SMIM35: variants seen among roughly 807,000 people sequenced by gnomAD.
The protein encoded by SMIM35 is small integral membrane protein 35, also known as TMPRSS4 antisense RNA 1 (non-protein coding).
intron 1 of SMIM35, among the ~76,000 whole-genome samples, chr11:118,055,450 C>A (rs969248351): frequency 6.6e-6 from 1 of 152,196 alleles, no homozygotes; most frequent in Non-Finnish European, 1.5e-5. Context: ...CCGGCCCTGC[C>A]ACCTCCTACC....
At chr11:118,042,476 C>T (rs1295735725) in intron 1 of SMIM35, among the ~76,000 whole-genome samples, 1 of 152,054 alleles carries the variant, frequency 6.6e-6, no homozygotes, top group African/African-American at 2.4e-5. Flanking sequence ...AAAAATAATA[C>T]CCACAAGAAA....
intron 1 of SMIM35, among the ~76,000 whole-genome samples, chr11:118,042,068 A>AAAAAAAAAAAAAAGAGAG: frequency 8.5e-6 from 1 of 117,860 alleles, no homozygotes; most frequent in Non-Finnish European, 1.6e-5. Flanking sequence ...AAAAAAAAAA[A>AAAAAAAAAAAAAAGAGAG]AGAGAGAGAG....
chr11:118,028,928 TAAGAG>T (rs1383277775), intron 1 of SMIM35: 1 of 413,850 alleles, frequency 2.4e-6, no homozygotes, highest in Non-Finnish European at 4.8e-6. Context: ...AGGGGAAAAA[TAAGAG>T]GAAGAGGAGG....
At chr11:118,048,747 A>G (rs1418997546) in intron 1 of SMIM35, among the ~76,000 whole-genome samples, 1 of 151,670 alleles carries the variant, frequency 6.6e-6, no homozygotes, top group Non-Finnish European at 1.5e-5. Context: ...AAAACAAAAA[A>G]CACGGCCCTA....
intron 1 of SMIM35, among the ~76,000 whole-genome samples, chr11:118,069,680 C>T (rs1286517510): frequency 6.6e-6 from 1 of 152,116 alleles, no homozygotes; most frequent in Non-Finnish European, 1.5e-5. Flanking sequence ...GGAGGTAGGG[C>T]CTAAGGAGAG....
intron 1 of SMIM35, chr11:118,077,289 A>G (rs1417215710): frequency 4.4e-6 from 7 of 1,602,156 alleles, no homozygotes; most frequent in Middle Eastern, 1.7e-4. Context: ...GACCGGGAGG[A>G]TCACAGAGCC....
chr11:118,050,249 TGG>T (rs1318332776), intron 1 of SMIM35, among the ~76,000 whole-genome samples: 1 of 152,204 alleles, frequency 6.6e-6, no homozygotes, highest in African/African-American at 2.4e-5. Context: ...AAAAGGGCCT[TGG>T]GGAATCACAG....
chr11:118,035,888 T>C (rs2058356125), intron 1 of SMIM35, among the ~76,000 whole-genome samples: 1 of 152,152 alleles, frequency 6.6e-6, no homozygotes, highest in South Asian at 2.1e-4. Flanking sequence ...GTGGTGTTTG[T>C]TTGTTTGTTT....
In SMIM35 at chr11:118,015,691, A is replaced by G. The variant is rs1015815050; in HGVS notation, c.124+2T>C. ...GGGCTACAGGGCCCAGTGCACACTC[A>G]CCCTCCCAGCAGTACCCGCGCTGGT... On this transcript the variant is annotated splice_donor_variant, in intron 2 of 4. Transcript: ENST00000689828. LOFTEE classifies it high-confidence loss of function. 5.0e-6 allele frequency: 2 copies of G among 399,020 alleles called. No individual in the cohort carries two copies. Among genetic ancestry groups the G allele is most frequent in the East Asian group, 7.1e-5 (2 of 28,090 alleles). The allele number at this position is 399,020 out of a possible 1,614,324, so 24.7% of individuals were successfully genotyped here. A position where few individuals can be genotyped will look rare whatever the true frequency, so the allele number is the denominator to read the frequency against.
At chr11:118,020,289 T>C in intron 1 of SMIM35, among the ~76,000 whole-genome samples, 2 of 152,200 alleles carry the variant, frequency 1.3e-5, no homozygotes, top group Non-Finnish European at 2.9e-5. Flanking sequence ...AATAAATAAA[T>C]ATATAAATAA....
intron 1 of SMIM35, among the ~76,000 whole-genome samples, chr11:118,054,805 ATTT>A (rs34274655): frequency 7.2e-6 from 1 of 139,376 alleles, no homozygotes; most frequent in African/African-American, 2.7e-5. Flanking sequence ...TATTTTCAGG[ATTT>A]TTTTTTTTTT....
chr11:118,080,608 C>T (rs1425694297), intron 1 of SMIM35, among the ~76,000 whole-genome samples: 1 of 152,174 alleles, frequency 6.6e-6, no homozygotes, highest in East Asian at 1.9e-4. Context: ...CCAGCAGCCA[C>T]CTCCCTAGCC....
chr11:118,036,998 T>A (rs12223876), intron 1 of SMIM35, among the ~76,000 whole-genome samples: 6,041 of 152,234 alleles, frequency 0.04, 202 homozygotes, highest in East Asian at 0.19. Context: ...TGGTTGGGTG[T>A]GAGCTAAGTT....
At chr11:118,069,368 C>G (rs1384366647) in intron 1 of SMIM35, among the ~76,000 whole-genome samples, 5 of 152,196 alleles carry the variant, frequency 3.3e-5, no homozygotes, top group Non-Finnish European at 5.9e-5. Context: ...CTTGCCTGAA[C>G]TATTGGCACT....
chr11:118,027,602 A>G (rs1413794286), intron 1 of SMIM35, among the ~76,000 whole-genome samples: 1 of 152,234 alleles, frequency 6.6e-6, no homozygotes, highest in Non-Finnish European at 1.5e-5. Flanking sequence ...GAACTATGCT[A>G]TAACTTTTAG....
At chr11:118,082,489 A>G (rs1433279154) in intron 1 of SMIM35, among the ~76,000 whole-genome samples, 1 of 150,808 alleles carries the variant, frequency 6.6e-6, no homozygotes, top group Non-Finnish European at 1.5e-5. Context: ...TGAACCCAGG[A>G]GGCAGAGGTT....
chr11:118,065,150 C>G (rs1342492285), intron 1 of SMIM35, among the ~76,000 whole-genome samples: 1 of 152,230 alleles, frequency 6.6e-6, no homozygotes, highest in Non-Finnish European at 1.5e-5. Context: ...GGCAGCTGCA[C>G]AGCGCCCAAA....
chr11:118,018,690 T>C (rs2058202322), intron 1 of SMIM35, among the ~76,000 whole-genome samples: 1 of 152,194 alleles, frequency 6.6e-6, no homozygotes, highest in African/African-American at 2.4e-5. Context: ...ATCACAGGCC[T>C]TCCAGAGACC....
chr11:118,054,527 A>C (rs1254628618), intron 1 of SMIM35, among the ~76,000 whole-genome samples: 1 of 152,102 alleles, frequency 6.6e-6, no homozygotes, highest in Non-Finnish European at 1.5e-5. Flanking sequence ...ACAAGTAACA[A>C]CCACGGTGCC....
Sources: allele counts gnomAD v4.1 joint callset (sites outside exome capture counted in the v4.1 genomes callset), GRCh38; gene constraint gnomAD v4.1.1; transcripts MANE v1.5; gene names NCBI Gene and HGNC (gene_info 2026-07-23, HGNC 2026-07-21).